SUCLA2: variants seen among roughly 807,000 people sequenced by gnomAD.
SUCLA2 encodes succinate-CoA ligase ADP-forming subunit beta.
SUCLA2 carries 30 observed loss-of-function variants against 54.8 expected under a neutral mutation model. The observed-to-expected ratio is 0.55, with a 90% CI of 0.41 to 0.74. The LOEUF (loss-of-function observed/expected upper bound fraction) is 0.74. SUCLA2 is among the 30% of genes least tolerant of loss of function. The pLI is 0.00. For missense variants in SUCLA2, 476 were observed against 562.9 expected (o/e 0.85, Z 1.56); for synonymous variants, 172 against 188.9 (o/e 0.91, Z 0.74).
rs1214534643 is a variant in SUCLA2, at chr13:47,965,500, A to C, written c.802+3095T>G. 465 of 382,162 alleles carry C rather than the reference A, an allele frequency of 1.2e-3. 4 individuals are homozygous for C. The highest frequency in any genetic ancestry group is 0.011 in the African/African-American group (439 of 40,318). 23.7% of individuals were successfully genotyped at this position (382,162 alleles called of 1,614,324 possible). A position where few individuals can be genotyped will look rare whatever the true frequency, so the allele number is the denominator to read the frequency against. On this transcript the variant is annotated intron_variant, in intron 6 of 10. Coordinates refer to ENST00000646932, the MANE Select transcript of SUCLA2 (RefSeq NM_003850.3). Reference sequence around the variant, plus strand: ...AAATAAATGACCCCTTCTTTAAAAAAAAAAAAACAAACAAACAAAAAAAAA... The same window carrying C: ...AAATAAATGACCCCTTCTTTAAAAACAAAAAAACAAACAAACAAAAAAAAA...
chr13:47,987,275 G>A (rs1303429498), intron 4 of SUCLA2, among the ~76,000 whole-genome samples: 2 of 152,070 alleles, frequency 1.3e-5, no homozygotes, highest in Non-Finnish European at 2.9e-5. Context: ...ACTATGGATA[G>A]AACTCCTATC....
In SUCLA2 at chr13:47,943,332, G is replaced by A. The variant is rs373541771; in HGVS notation, c.*39C>T. The A allele has an allele frequency of 2.6e-4, 402 of 1,563,990 alleles. 1 individual carries two copies. The highest frequency in any genetic ancestry group is 5.2e-4 in the Middle Eastern group (3 of 5,798). On this transcript the variant is annotated 3_prime_UTR_variant, in exon 11 of 11. Coordinates refer to ENST00000646932, the MANE Select transcript of SUCLA2 (RefSeq NM_003850.3). Reference sequence around the variant, plus strand: ...GAACACAGTATTCTTAATGATTATAGCACATTTAACACCTTCAGCCATCCA... The same window carrying A: ...GAACACAGTATTCTTAATGATTATAACACATTTAACACCTTCAGCCATCCA...
intron 4 of SUCLA2, chr13:47,987,804 C>T (rs1950114901): frequency 6.6e-6 from 1 of 151,980 alleles, no homozygotes; most frequent in Non-Finnish European, 1.5e-5. Flanking sequence ...CGTACTGGGG[C>T]TTTCAAATAT....
Position 47,954,776 on chromosome 13 carries a change from T to C in SUCLA2, c.803-219A>G, listed in dbSNP as rs564915695. ...ATCAAAGTTATTGGGTCTACATCCA[T>C]GCTATGCACTACATAAAGAAAAAGA... On this transcript the variant is annotated intron_variant, in intron 6 of 10. Coordinates refer to ENST00000646932, the MANE Select transcript of SUCLA2 (RefSeq NM_003850.3). Among the ~76,000 whole-genome samples, 19 of 152,320 alleles carry C rather than the reference T, an allele frequency of 1.2e-4. No individual in the cohort carries two copies. The South Asian group carries it at 3.5e-3, about 28-fold the overall frequency.
intron 4 of SUCLA2, among the ~76,000 whole-genome samples, chr13:47,977,408 G>A (rs532981818): frequency 2.0e-5 from 3 of 151,972 alleles, no homozygotes; most frequent in South Asian, 2.1e-4. Flanking sequence ...TGAAAAGGAC[G>A]GAAAATTTCC....
chr13:47,975,890 T>C (rs1287208065), intron 4 of SUCLA2, among the ~76,000 whole-genome samples: 1 of 152,160 alleles, frequency 6.6e-6, no homozygotes, highest in Admixed American at 6.5e-5. Context: ...TTCAGTCAAA[T>C]TGTATCAACC....
Position 47,973,355 on chromosome 13 carries a change from T to A in SUCLA2, c.572A>T (p.Asn191Ile). ...VLIGSSHGGVNIEDVAAESPE... is the reference protein window; with the variant it reads ...VLIGSSHGGVIIEDVAAESPE... Reference sequence around the variant, plus strand: ...AGACTCAGCAGCAACATCTTCAATGTTGACACCACCATGTGAACTTCCTAT... The same window carrying A: ...AGACTCAGCAGCAACATCTTCAATGATGACACCACCATGTGAACTTCCTAT... The change falls in exon 5 of 11, where the codon AAC (asparagine) becomes ATC (isoleucine). Residue 191 changes from asparagine (N) to isoleucine (I), a missense_variant. By Grantham distance (149) the Asn-to-Ile change is moderately radical. Around this residue, in one of 2 missense-constraint regions of SUCLA2, gnomAD observed 342 missense variants for 444.2 expected, o/e 0.77. Coordinates refer to ENST00000646932, the MANE Select transcript of SUCLA2 (RefSeq NM_003850.3). The A allele has an allele frequency of 6.2e-7, 1 of 1,613,774 alleles. No individual in the cohort carries two copies. The highest frequency in any genetic ancestry group is 8.5e-7 in the Non-Finnish European group (1 of 1,179,934).
intron 2 of SUCLA2, among the ~76,000 whole-genome samples, chr13:47,996,312 A>G (rs1950190234): frequency 6.7e-6 from 1 of 149,060 alleles, no homozygotes; most frequent in East Asian, 1.9e-4. Context: ...AATAAGAATG[A>G]AACTCCGTCT....
intron 9 of SUCLA2, 51 bp from the exon 10 acceptor site, chr13:47,949,079 A>G: frequency 1.3e-6 from 2 of 1,572,206 alleles, no homozygotes; most frequent in Middle Eastern, 1.7e-4. Flanking sequence ...ACACAAAAGC[A>G]TTTTAAAATG....
In SUCLA2 at chr13:47,977,028, T is replaced by C. The variant is rs145683810; in HGVS notation, c.535-3636A>G. ...AAAAAAAAAAATCAACAAAACTGCATATTGGCTCATTGAAAAAGTGAATAA... is the reference window on the plus strand; with the variant it reads ...AAAAAAAAAAATCAACAAAACTGCACATTGGCTCATTGAAAAAGTGAATAA... On this transcript the variant is annotated intron_variant, in intron 4 of 10. Transcript: ENST00000646932. Among the ~76,000 whole-genome samples, 304 of 149,386 alleles carry C rather than the reference T, an allele frequency of 2.0e-3. 2 individuals carry two copies. Among genetic ancestry groups the C allele is most frequent in the African/African-American group, 6.7e-3 (273 of 40,790 alleles).
rs1482857455 is a variant in SUCLA2 at position 47,968,747 on chromosome 13, G to T, written c.664-14C>A. On this transcript the variant is annotated splice_polypyrimidine_tract_variant and intron_variant, in intron 5 of 10. Coordinates refer to ENST00000646932, the MANE Select transcript of SUCLA2 (RefSeq NM_003850.3). ...CTTCTGTGCAAGCTGAAATCAATAT[G>T]TCTTTTTATTATAGGTAGTTTGCAT... 1 of 1,611,574 alleles carries T rather than the reference G, an allele frequency of 6.2e-7. No individual in the cohort carries two copies. Among genetic ancestry groups the T allele is most frequent in the Admixed American group, 1.7e-5 (1 of 59,980 alleles).
At chr13:47,988,729 T>G (rs751652669) in intron 3 of SUCLA2, 26 bp from the exon 4 acceptor site, 1 of 1,612,658 alleles carries the variant, frequency 6.2e-7, no homozygotes, top group South Asian at 1.1e-5. Context: ...GAACTCAAAT[T>G]TTTCTTTCCT....
At chr13:47,989,019 A>G (rs1302627691) in intron 2 of SUCLA2, 38 bp from the exon 3 acceptor site, 1 of 1,561,966 alleles carries the variant, frequency 6.4e-7, no homozygotes, top group African/African-American at 1.4e-5. Context: ...TGAAGCATGG[A>G]GCAGCATGCC....
chr13:47,993,525 A>G (rs907962614), intron 2 of SUCLA2, among the ~76,000 whole-genome samples: 1 of 152,176 alleles, frequency 6.6e-6, no homozygotes, highest in African/African-American at 2.4e-5. Context: ...ACTTGCCTAC[A>G]GGACAATGCC....
At chr13:47,945,474 A>G (rs958523343) in intron 10 of SUCLA2, among the ~76,000 whole-genome samples, 1 of 150,462 alleles carries the variant, frequency 6.6e-6, no homozygotes, top group South Asian at 2.1e-4. Flanking sequence ...TAAGCTATAG[A>G]GCCCAAAGAG....
At chr13:47,971,628 T>C in intron 5 of SUCLA2, 1 of 344,820 alleles carries the variant, frequency 2.9e-6, no homozygotes, top group Non-Finnish European at 5.2e-6. Context: ...TAGGCAAAAT[T>C]TTATTGTGAA....
In SUCLA2 at chr13:47,973,387, A is replaced by G; in HGVS notation, c.540T>C (p.Pro180=). The change falls in exon 5 of 11, where the codon CCT becomes CCC. Residue 180 remains proline, a synonymous_variant. Transcript: ENST00000646932. ...AITMERSFQG[P]VLIGSSHGGV... ...CACCATGTGAACTTCCTATTAATACAGGACCCTGGCAAGGGAAGTAAACAA... is the reference window on the plus strand; with the variant it reads ...CACCATGTGAACTTCCTATTAATACGGGACCCTGGCAAGGGAAGTAAACAA... 3 of 1,613,374 alleles carry G rather than the reference A, an allele frequency of 1.9e-6. No homozygotes were observed. The highest frequency in any genetic ancestry group is 2.5e-6 in the Non-Finnish European group (3 of 1,179,850).
intron 6 of SUCLA2, among the ~76,000 whole-genome samples, chr13:47,966,646 T>G (rs141181926): frequency 1.3e-5 from 2 of 152,122 alleles, no homozygotes; most frequent in East Asian, 1.9e-4. Context: ...GTTGTTCAGT[T>G]TGAAATATTT....
rs10661341 is a variant in SUCLA2, at chr13:47,945,422, CAAAAAAAAA to C, written c.1318-1986_1318-1978del. ...TAGGTGACAGAGCAAGACTCAGTCT[CAAAAAAAAA>C]AAAAAAAAAAAAATCAAGAATCTAC... On this transcript the variant is annotated intron_variant, in intron 10 of 10. Transcript: ENST00000646932. Among the ~76,000 whole-genome samples the C allele has an allele frequency of 1.6e-3, 81 of 50,022 alleles. 3 individuals are homozygous for C. Among genetic ancestry groups the C allele is most frequent in the Non-Finnish European group, 6.6e-4 (20 of 30,140 alleles). 32.8% of individuals were successfully genotyped at this position (50,022 alleles called of 152,430 possible).
Sources: allele counts gnomAD v4.1 joint callset (sites outside exome capture counted in the v4.1 genomes callset), GRCh38; gene constraint gnomAD v4.1.1; regional missense constraint gnomAD v4.1.1; transcripts MANE v1.5; gene names NCBI Gene and HGNC (gene_info 2026-07-23, HGNC 2026-07-21).